The following FBXW7 variants were observed in gnomAD, a reference collection of about 807,000 sequenced individuals.
The protein encoded by FBXW7 is F-box/WD repeat-containing protein 7.
FBXW7 carries 11 observed loss-of-function variants against 86.3 expected under a neutral mutation model. That is an observed-to-expected ratio of 0.13 (90% CI 0.08 to 0.21). FBXW7 has a LOEUF of 0.21. Ranked by LOEUF, FBXW7 falls within the 10% of genes least tolerant of loss-of-function variation. The probability of loss-of-function intolerance (pLI) is 1.00; values close to 1 mark genes in which losing one functional copy is unlikely to be tolerated. For missense variants in FBXW7, 488 were observed against 847.4 expected, an observed-to-expected ratio of 0.58 and a Z score of 5.27; for synonymous variants, 313 against 297.9, an observed-to-expected ratio of 1.05 and a Z score of -0.52.
At chr4:152,458,314 C>T (rs535959449) in intron 2 of FBXW7, among the ~76,000 whole-genome samples, 69 of 152,298 alleles carry the variant, frequency 4.5e-4, no homozygotes, top group African/African-American at 1.3e-3. Context: ...CCACCGCGCC[C>T]GGCCTAAAAT....
At chr4:152,471,020 T>C (rs1477154146) in intron 2 of FBXW7, among the ~76,000 whole-genome samples, 4 of 151,982 alleles carry the variant, frequency 2.6e-5, no homozygotes, top group African/African-American at 4.8e-5. Context: ...AAAAATCACA[T>C]ATCATAACTA....
At chr4:152,484,461 A>C (rs538617521) in intron 2 of FBXW7, among the ~76,000 whole-genome samples, 12 of 152,162 alleles carry the variant, frequency 7.9e-5, no homozygotes, top group Non-Finnish European at 1.6e-4. Flanking sequence ...ACCATTTTTT[A>C]TAATTACTTG....
chr4:152,424,857 T>C (rs1185114944), intron 2 of FBXW7, among the ~76,000 whole-genome samples: 1 of 152,212 alleles, frequency 6.6e-6, no homozygotes, highest in Non-Finnish European at 1.5e-5. Flanking sequence ...AATTAAGACT[T>C]CTTTCTTGAA....
At chr4:152,454,120 C>G (rs1742176104) in intron 2 of FBXW7, among the ~76,000 whole-genome samples, 1 of 152,056 alleles carries the variant, frequency 6.6e-6, no homozygotes, top group Non-Finnish European at 1.5e-5. Flanking sequence ...AGTCAATATT[C>G]AAATTCCCCA....
At chr4:152,327,288 G>T (rs1729128275) in intron 11 of FBXW7, among the ~76,000 whole-genome samples, 1 of 151,902 alleles carries the variant, frequency 6.6e-6, no homozygotes, top group Non-Finnish European at 1.5e-5. Flanking sequence ...AATTGAAAAG[G>T]TACTCCTTTT....
intron 2 of FBXW7, among the ~76,000 whole-genome samples, chr4:152,419,349 C>T (rs900489934): frequency 6.6e-6 from 1 of 151,922 alleles, no homozygotes; most frequent in South Asian, 2.1e-4. Context: ...TTAATTACCA[C>T]GGGGTTGAAT....
rs541983978 is a variant in FBXW7 at position 152,488,705 on chromosome 4, TTTAA to T, written c.-120+46232_-120+46235del. Among the ~76,000 whole-genome samples, 379 of 152,234 alleles carry T rather than the reference TTTAA, an allele frequency of 2.5e-3. 2 individuals carry two copies. Among genetic ancestry groups the T allele is most frequent in the African/African-American group, 8.3e-3 (343 of 41,572 alleles). ...CAGAAATTTCTAGATGAAATTATGTTTTAATTAATTATTCTCTTGTGTTTTCCCA... is the reference window on the plus strand; with the variant it reads ...CAGAAATTTCTAGATGAAATTATGTTTTAATTATTCTCTTGTGTTTTCCCA... On this transcript the variant is annotated intron_variant, in intron 2 of 13. Transcript: ENST00000281708.
intron 2 of FBXW7, among the ~76,000 whole-genome samples, chr4:152,438,280 T>A (rs1259548270): frequency 6.6e-6 from 1 of 152,246 alleles, no homozygotes. Context: ...TATAACTTTA[T>A]ATGCACTGGG....
intron 2 of FBXW7, among the ~76,000 whole-genome samples, chr4:152,503,139 G>C (rs1412019518): frequency 2.6e-5 from 4 of 152,176 alleles, no homozygotes; most frequent in Non-Finnish European, 1.5e-5. Context: ...ACACGTGGAA[G>C]ATATTCAATT....
Position 152,414,839 on chromosome 4 carries a change from C to T in FBXW7, c.-119-2310G>A, listed in dbSNP as rs370837688. On this transcript the variant is annotated intron_variant, in intron 2 of 13. Transcript: ENST00000281708. Reference sequence around the variant, plus strand: ...ATGAAAAAGAGGTATAATAATTTTGCTCTTCAAAAAAATTTAAAATAGGTT... The same window carrying T: ...ATGAAAAAGAGGTATAATAATTTTGTTCTTCAAAAAAATTTAAAATAGGTT... Among the ~76,000 whole-genome samples the T allele has an allele frequency of 4.6e-5, 7 of 151,974 alleles. No individual in the cohort carries two copies. In the East Asian group the frequency reaches 7.7e-4, roughly 17 times the overall value.
At position 152,352,980 on chromosome 4, in the gene FBXW7, G is replaced by GCCCCCACAC. The variant is rs1732002090; in HGVS notation, c.502-2857_502-2856insGTGTGGGGG. The GCCCCCACAC allele has an allele frequency of 5.3e-6, 7 of 1,319,116 alleles. No individual in the cohort carries two copies. The South Asian group carries it at 1.6e-4, about 31-fold the overall frequency. 81.7% of individuals were successfully genotyped at this position (1,319,116 alleles called of 1,614,324 possible). Reference sequence around the variant, plus strand: ...TAAGAACACAACGCACTGAACAGAGGGAGGATGTGGGCAGCAGAGACCGCC... The same window carrying GCCCCCACAC: ...TAAGAACACAACGCACTGAACAGAGGCCCCCACACGAGGATGTGGGCAGCAGAGACCGCC... On this transcript the variant is annotated intron_variant, in intron 4 of 13. Transcript: ENST00000281708.
chr4:152,430,934 T>C (rs1739838472), intron 2 of FBXW7, among the ~76,000 whole-genome samples: 1 of 152,230 alleles, frequency 6.6e-6, no homozygotes, highest in African/African-American at 2.4e-5. Context: ...GACATATATT[T>C]CTCTTTTCCA....
chr4:152,322,696 T>C lies in FBXW7; in HGVS notation c.*185A>G, dbSNP rs867748106. On this transcript the variant is annotated 3_prime_UTR_variant, in exon 14 of 14. Coordinates refer to ENST00000281708, the MANE Select transcript of FBXW7 (RefSeq NM_001349798.2). The stretch of plus-strand genomic sequence containing the variant: ...CAGACGCCTCTCTTGTCAGTTATGG[T>C]TTGTCATCTCTTCTTCTTTTCCTTC... 2 of 994,782 alleles carry C rather than the reference T, an allele frequency of 2.0e-6. No individual in the cohort carries two copies. The highest frequency in any genetic ancestry group is 4.2e-5 in the South Asian group (2 of 47,750). The allele number at this position is 994,782 out of a possible 1,614,324, so 61.6% of individuals were successfully genotyped here.
chr4:152,467,503 C>A (rs1743565489), intron 2 of FBXW7, among the ~76,000 whole-genome samples: 1 of 152,022 alleles, frequency 6.6e-6, no homozygotes, highest in African/African-American at 2.4e-5. Flanking sequence ...CTTCTTCAAT[C>A]CAAAAAAAAC....
chr4:152,334,679 G>C (rs927962172), intron 7 of FBXW7, among the ~76,000 whole-genome samples: 3 of 152,108 alleles, frequency 2.0e-5, no homozygotes, highest in African/African-American at 7.2e-5. Flanking sequence ...AAAATTTCCA[G>C]CATTAATAGT....
At chr4:152,492,005 T>G (rs1364474900) in intron 2 of FBXW7, among the ~76,000 whole-genome samples, 1 of 152,196 alleles carries the variant, frequency 6.6e-6, no homozygotes, top group Non-Finnish European at 1.5e-5. Flanking sequence ...AACATTTTCA[T>G]CACTTCAAGA....
intron 4 of FBXW7, among the ~76,000 whole-genome samples, chr4:152,363,345 G>C (rs958747932): frequency 6.6e-6 from 1 of 152,078 alleles, no homozygotes; most frequent in Admixed American, 6.6e-5. Flanking sequence ...AAGCAAAAAA[G>C]ATGCAAAATT....
chr4:152,469,190 C>T (rs1350783183), intron 2 of FBXW7, among the ~76,000 whole-genome samples: 1 of 152,060 alleles, frequency 6.6e-6, no homozygotes, highest in African/African-American at 2.4e-5. Context: ...AAAGCCTATA[C>T]TATGACACCT....
intron 2 of FBXW7, among the ~76,000 whole-genome samples, chr4:152,469,078 T>G (rs1743712156): frequency 6.6e-6 from 1 of 152,122 alleles, no homozygotes; most frequent in Admixed American, 6.5e-5. Flanking sequence ...GTCAAATATT[T>G]GCTGTTTCAA....
Sources: allele counts gnomAD v4.1 joint callset (sites outside exome capture counted in the v4.1 genomes callset), GRCh38; gene constraint gnomAD v4.1.1; transcripts MANE v1.5; gene names NCBI Gene and HGNC (gene_info 2026-07-23, HGNC 2026-07-21).